The following IL19 variants were observed in gnomAD, a reference collection of about 807,000 sequenced individuals.
IL19 encodes interleukin-19.
A neutral mutation model predicts 19.5 loss-of-function variants in IL19; 15 were observed. The ratio of observed to expected loss-of-function variants is 0.77; its 90% CI spans 0.52 to 1.19. The LOEUF (loss-of-function observed/expected upper bound fraction) is 1.19, where lower values mean the gene tolerates loss of function less well. IL19 is among the 50% of genes most tolerant of loss of function. The pLI is 0.00. For synonymous variants in IL19, 78 were observed against 78.3 expected (o/e 1.00, Z 0.02); for missense variants, 199 against 213.1 (o/e 0.93, Z 0.41).
intron 2 of IL19, among the ~76,000 whole-genome samples, chr1:206,814,434 T>C (rs1003752841): frequency 6.7e-6 from 1 of 149,928 alleles, no homozygotes; most frequent in African/African-American, 2.5e-5. Flanking sequence ...CTCACACCTG[T>C]AATCCCAGCA....
chr1:206,811,446 A>AC (rs1363623744), intron 2 of IL19, among the ~76,000 whole-genome samples: 1 of 72,150 alleles, frequency 1.4e-5, no homozygotes, highest in African/African-American at 6.2e-5. Flanking sequence ...TCCGTCTCAA[A>AC]AAAAAAAAAA....
chr1:206,799,232 G>A (rs997162355), intron 2 of IL19, among the ~76,000 whole-genome samples: 5 of 152,068 alleles, frequency 3.3e-5, no homozygotes, highest in African/African-American at 4.8e-5. Flanking sequence ...AGGGAGTGTA[G>A]GGTGGAAAGG....
intron 1 of IL19, among the ~76,000 whole-genome samples, chr1:206,789,460 T>C (rs1158057133): frequency 3.3e-5 from 5 of 152,206 alleles, no homozygotes. Context: ...TCCTGAGTTA[T>C]ATCACCTAGA....
chr1:206,832,920 C>T (rs1334323309), intron 2 of IL19, among the ~76,000 whole-genome samples: 1 of 152,232 alleles, frequency 6.6e-6, no homozygotes, highest in East Asian at 1.9e-4. Flanking sequence ...CTGATCTTTC[C>T]TGTCCCTTTT....
In IL19 at chr1:206,839,766, G is replaced by A. The variant is rs532173747; in HGVS notation, c.211-84G>A. The A allele has an allele frequency of 8.6e-5, 102 of 1,189,988 alleles. 3 individuals carry two copies. In the African/African-American group the frequency reaches 1.3e-3, roughly 15 times the overall value. 73.7% of individuals were successfully genotyped at this position (1,189,988 alleles called of 1,614,324 possible). A position where few individuals can be genotyped will look rare whatever the true frequency, so the allele number is the denominator to read the frequency against. On this transcript the variant is annotated intron_variant, in intron 4 of 6. Transcript: ENST00000659997. ...ATGACTTTTAGTTCTCTCATGTGTC[G>A]CTGCCCCTACTCAAATGGACTGCCC... is the stretch of plus-strand genomic sequence containing the variant.
At chr1:206,822,743 G>A (rs750756692) in intron 2 of IL19, among the ~76,000 whole-genome samples, 20 of 152,074 alleles carry the variant, frequency 1.3e-4, no homozygotes, top group Non-Finnish European at 2.5e-4. Context: ...CTGTGGGGCC[G>A]GGAATATGCT....
chr1:206,773,098 T>C (rs1294375091), intron 1 of IL19, among the ~76,000 whole-genome samples: 1 of 152,184 alleles, frequency 6.6e-6, no homozygotes. Context: ...CAGGCTCCTT[T>C]ACCCCGATTT....
intron 1 of IL19, 45 bp downstream of exon 1, chr1:206,771,123 C>A: frequency 6.4e-7 from 1 of 1,551,308 alleles, no homozygotes; most frequent in East Asian, 2.2e-5. Context: ...GGGGCTGCTG[C>A]AACTAGCTTA....
chr1:206,820,025 T>G (rs537696877), intron 2 of IL19, among the ~76,000 whole-genome samples: 60 of 152,316 alleles, frequency 3.9e-4, no homozygotes, highest in African/African-American at 1.3e-3. Flanking sequence ...GAAGGATTCT[T>G]TTCATATTCA....
intron 2 of IL19, among the ~76,000 whole-genome samples, chr1:206,818,160 A>G (rs1022339540): frequency 5.3e-5 from 8 of 152,248 alleles, no homozygotes; most frequent in African/African-American, 1.9e-4. Flanking sequence ...AACACTGTCA[A>G]CCAAGTTGGC....
intron 2 of IL19, among the ~76,000 whole-genome samples, chr1:206,824,771 C>CT (rs758860746): frequency 3.6e-4 from 55 of 152,164 alleles, no homozygotes; most frequent in Admixed American, 2.6e-3. Flanking sequence ...AGAAAAAAAT[C>CT]TTTTTTTTGA....
At chr1:206,827,398 A>G (rs1272617886) in intron 2 of IL19, among the ~76,000 whole-genome samples, 1 of 152,074 alleles carries the variant, frequency 6.6e-6, no homozygotes, top group African/African-American at 2.4e-5. Flanking sequence ...CAAATTCAAA[A>G]CGCTTCTCTC....
intron 2 of IL19, among the ~76,000 whole-genome samples, chr1:206,800,960 A>T (rs1028582030): frequency 4.6e-5 from 7 of 152,128 alleles, no homozygotes; most frequent in South Asian, 2.1e-4. Flanking sequence ...TTAGGATGAG[A>T]CATTACTCCT....
At chr1:206,792,638 G>A (rs1675435633) in intron 1 of IL19, among the ~76,000 whole-genome samples, 1 of 152,246 alleles carries the variant, frequency 6.6e-6, no homozygotes, top group East Asian at 1.9e-4. Flanking sequence ...TGTATTTTTA[G>A]TAGAGACAGG....
chr1:206,810,369 G>C (rs968782999), intron 2 of IL19, among the ~76,000 whole-genome samples: 1 of 152,204 alleles, frequency 6.6e-6, no homozygotes, highest in African/African-American at 2.4e-5. Context: ...GAACTTCCCT[G>C]ACACAATGTA....
chr1:206,791,463 C>T (rs565320204), intron 1 of IL19, among the ~76,000 whole-genome samples: 1 of 152,222 alleles, frequency 6.6e-6, no homozygotes, highest in East Asian at 1.9e-4. Context: ...CCATCATGCC[C>T]AGCTAATTTT....
At chr1:206,815,483 G>T (rs976324509) in intron 2 of IL19, among the ~76,000 whole-genome samples, 2 of 152,130 alleles carry the variant, frequency 1.3e-5, no homozygotes, top group Non-Finnish European at 2.9e-5. Flanking sequence ...AGTGTATGTA[G>T]TTCTCTTTGG....
intron 2 of IL19, among the ~76,000 whole-genome samples, chr1:206,815,792 A>G (rs867576493): frequency 6.6e-6 from 1 of 152,228 alleles, no homozygotes; most frequent in Non-Finnish European, 1.5e-5. Context: ...AGTAATGCAA[A>G]TAAGAAGATG....
intron 1 of IL19, among the ~76,000 whole-genome samples, chr1:206,775,459 T>C (rs921852618): frequency 2.6e-5 from 4 of 152,196 alleles, no homozygotes; most frequent in Non-Finnish European, 5.9e-5. Flanking sequence ...TCCACTCTCA[T>C]TTCAAAATTT....
Sources: allele counts gnomAD v4.1 joint callset (sites outside exome capture counted in the v4.1 genomes callset), GRCh38; gene constraint gnomAD v4.1.1; transcripts MANE v1.5; gene names NCBI Gene and HGNC (gene_info 2026-07-23, HGNC 2026-07-21).